KANK1: variants seen among roughly 807,000 people sequenced by gnomAD.
KANK1 encodes the protein KN motif and ankyrin repeat domain-containing protein 1.
In KANK1, 109 loss-of-function variants were observed where a neutral mutation model predicts 106.2. The ratio of observed to expected loss-of-function variants is 1.03; its 90% CI spans 0.88 to 1.20. The LOEUF (loss-of-function observed/expected upper bound fraction) is 1.20, where lower values mean the gene tolerates loss of function less well. Among genes scored for constraint, KANK1 ranks in the 50% most tolerant of loss-of-function variants. The pLI, the probability that KANK1 is intolerant of heterozygous loss-of-function variation, is 0.00. For missense variants in KANK1, 2,399 were observed against 1,710.7 expected, an observed-to-expected ratio of 1.40 and a Z score of -7.10; for synonymous variants, 873 against 652.2, an observed-to-expected ratio of 1.34 and a Z score of -5.16.
intron 2 of KANK1, among the ~76,000 whole-genome samples, chr9:697,763 C>T (rs1013531276): frequency 2.0e-5 from 3 of 152,124 alleles, no homozygotes; most frequent in Non-Finnish European, 4.4e-5. Flanking sequence ...TTTTCATGCT[C>T]AAATTATCCT....
chr9:581,914 G>T (rs181127153), intron 1 of KANK1, among the ~76,000 whole-genome samples: 1 of 152,126 alleles, frequency 6.6e-6, no homozygotes, highest in African/African-American at 2.4e-5. Flanking sequence ...CTGCCACTCA[G>T]AGTTTCACAG....
At chr9:507,699 G>A (rs1430831185) in intron 1 of KANK1, among the ~76,000 whole-genome samples, 1 of 151,986 alleles carries the variant, frequency 6.6e-6, no homozygotes, top group Non-Finnish European at 1.5e-5. Flanking sequence ...TGGGACTACA[G>A]GCACCGTGTC....
chr9:723,652 C>G (rs780581686), intron 3 of KANK1, among the ~76,000 whole-genome samples: 2 of 151,380 alleles, frequency 1.3e-5, no homozygotes, highest in African/African-American at 2.4e-5. Context: ...ATTTTATTGT[C>G]TATAAATTGT....
Position 713,099 on chromosome 9 carries a change from C to G in KANK1, c.2333C>G (p.Thr778Ser). 1.2e-6 allele frequency: 2 copies of G among 1,610,568 alleles called. No individual in the cohort carries two copies. Among genetic ancestry groups the G allele is most frequent in the Non-Finnish European group, 1.7e-6 (2 of 1,177,400 alleles). The part of the protein sequence containing the change: ...DNYLVGLKMR[T>S]IACGPPQLTV... The stretch of plus-strand genomic sequence containing the variant: ...TATCTGGTTGGTCTCAAAATGAGGA[C>G]TATAGCTTGTGGGCCACCACAGTTG... Residue 778 changes from threonine to serine, a missense_variant, in exon 3 of 12, where the codon ACT becomes AGT. Coordinates refer to ENST00000382297, the MANE Select transcript of KANK1 (RefSeq NM_015158.5).
intron 1 of KANK1, among the ~76,000 whole-genome samples, chr9:572,123 C>G (rs964524036): frequency 1.4e-5 from 2 of 143,314 alleles, no homozygotes; most frequent in Non-Finnish European, 3.0e-5. Flanking sequence ...TAATACAACT[C>G]TTAACTTATG....
In KANK1 at chr9:608,192, C is replaced by T. The variant is rs897324788; in HGVS notation, c.-83-68698C>T. The stretch of plus-strand genomic sequence containing the variant: ...AGCTGGGACTACAGGCGCCCGCCAC[C>T]GCGCCCGGCTAATTTTTTGTATTTT... On this transcript the variant is annotated intron_variant, in intron 1 of 11. Coordinates refer to ENST00000382297, the MANE Select transcript of KANK1 (RefSeq NM_015158.5). Among the ~76,000 whole-genome samples the T allele has an allele frequency of 1.0e-4, 15 of 149,598 alleles. 1 individual carries two copies. The highest frequency in any genetic ancestry group is 2.6e-4 in the Admixed American group (4 of 15,140).
intron 1 of KANK1, among the ~76,000 whole-genome samples, chr9:562,303 C>T (rs904294019): frequency 6.6e-6 from 1 of 152,040 alleles, no homozygotes; most frequent in South Asian, 2.1e-4. Context: ...CCACCCGCCT[C>T]GGCCTCCCAA....
chr9:649,511 T>C (rs9408647), intron 1 of KANK1, among the ~76,000 whole-genome samples: 96,719 of 152,096 alleles, frequency 0.64, 33,509 homozygotes, highest in African/African-American at 0.89. Flanking sequence ...CAGTAATATC[T>C]TGGAATGCAG....
In KANK1 at chr9:563,637, T is replaced by C. The variant is rs190710815; in HGVS notation, c.-84+58883T>C. On this transcript the variant is annotated intron_variant, in intron 1 of 11. Transcript: ENST00000382297. ...AGGCAGTAGACCCATTCGTTTCTTATCCTTGGGTGTGAGGTCAGAAGTGTC... is the reference window on the plus strand; with the variant it reads ...AGGCAGTAGACCCATTCGTTTCTTACCCTTGGGTGTGAGGTCAGAAGTGTC... Among the ~76,000 whole-genome samples, 12 of 152,380 alleles carry C rather than the reference T, an allele frequency of 7.9e-5. No individual in the cohort carries two copies. In the East Asian group the frequency reaches 1.2e-3, roughly 15 times the overall value.
intron 2 of KANK1, among the ~76,000 whole-genome samples, chr9:695,097 G>A (rs531345258): frequency 4.7e-4 from 72 of 152,166 alleles, no homozygotes; most frequent in South Asian, 1.5e-3. Flanking sequence ...GCTCGTGCAT[G>A]AACTAGGAAG....
chr9:497,858 CCCA>C (rs369912298), intron 3 of KANK1, among the ~76,000 whole-genome samples: 3,007 of 150,884 alleles, frequency 0.02, 105 homozygotes, highest in African/African-American at 0.07. Flanking sequence ...GTATTAACCC[CCCA>C]CACACACACA....
intron 1 of KANK1, among the ~76,000 whole-genome samples, chr9:546,611 T>C (rs1037080118): frequency 2.6e-5 from 4 of 152,114 alleles, no homozygotes; most frequent in Non-Finnish European, 5.9e-5. Context: ...CATCATGTTA[T>C]AGGTTTTCAT....
intron 1 of KANK1, among the ~76,000 whole-genome samples, chr9:536,066 G>A (rs1049338288): frequency 9.2e-5 from 14 of 152,166 alleles, no homozygotes; most frequent in South Asian, 8.3e-4. Context: ...TGTGGGGCGC[G>A]GTGGCTCACA....
intron 1 of KANK1, among the ~76,000 whole-genome samples, chr9:614,279 T>A (rs1831270001): frequency 6.6e-6 from 1 of 152,200 alleles, no homozygotes; most frequent in South Asian, 2.1e-4. Flanking sequence ...TTAAATTGTT[T>A]CTAGCATGAA....
intron 1 of KANK1, among the ~76,000 whole-genome samples, chr9:512,500 T>C (rs1416978034): frequency 6.6e-6 from 1 of 152,102 alleles, no homozygotes; most frequent in African/African-American, 2.4e-5. Flanking sequence ...TACCCATAGT[T>C]ACCTGATTTA....
chr9:711,913 G>C lies in KANK1; in HGVS notation c.1147G>C (p.Asp383His), dbSNP rs778555728. 6.8e-6 allele frequency: 11 copies of C among 1,614,066 alleles called. No homozygotes were observed. In the African/African-American group the frequency reaches 1.3e-4, roughly 20 times the overall value. ...DMQALEQKIQDSSCEASSELR... is the reference protein window; with the variant it reads ...DMQALEQKIQHSSCEASSELR... Reference sequence around the variant, plus strand: ...GCAAGCCCTGGAGCAGAAGATCCAGGACAGCAGCTGTGAGGCCTCCTCAGA... The same window carrying C: ...GCAAGCCCTGGAGCAGAAGATCCAGCACAGCAGCTGTGAGGCCTCCTCAGA... The change falls in exon 3 of 12, where the codon GAC (aspartate) becomes CAC (histidine). Residue 383 changes from aspartate to histidine, a missense_variant. Transcript: ENST00000382297.
Position 711,610 on chromosome 9 carries a change from C to G in KANK1, c.844C>G (p.Arg282Gly), listed in dbSNP as rs764773271. 1.2e-6 allele frequency: 2 copies of G among 1,613,986 alleles called. No individual in the cohort carries two copies. The highest frequency in any genetic ancestry group is 1.7e-5 in the Admixed American group (1 of 60,006). Reference protein sequence around the residue: ...KRLKELEEQVRTIPVLQVKIS... With the variant: ...KRLKELEEQVGTIPVLQVKIS... ...CCTGAAGGAGCTGGAGGAGCAGGTG[C>G]GAACCATCCCTGTGCTCCAGGTAAA... The change falls in exon 3 of 12, where the codon CGA (arginine) becomes GGA (glycine). Residue 282 changes from arginine (R) to glycine (G), a missense_variant. Transcript: ENST00000382297.
At chr9:642,557 G>A (rs774835835) in intron 1 of KANK1, among the ~76,000 whole-genome samples, 2 of 150,726 alleles carry the variant, frequency 1.3e-5, no homozygotes, top group Non-Finnish European at 2.9e-5. Context: ...CTTGGTTCTT[G>A]GACACACTCA....
At chr9:531,408 G>A (rs955412054) in intron 1 of KANK1, among the ~76,000 whole-genome samples, 2 of 152,194 alleles carry the variant, frequency 1.3e-5, no homozygotes, top group Admixed American at 6.5e-5. Flanking sequence ...TCCATCCTGG[G>A]TGACAGAGTG....
Sources: gnomAD v4.1 joint callset for allele counts (sites outside exome capture counted in the v4.1 genomes callset) on GRCh38, gnomAD v4.1.1 for gene constraint, MANE v1.5 for transcripts, NCBI Gene and HGNC (gene_info 2026-07-23, HGNC 2026-07-21) for gene names.